ASPM: variants seen among roughly 807,000 people sequenced by gnomAD.
The protein encoded by ASPM is abnormal spindle-like microcephaly-associated protein.
A neutral mutation model predicts 366.4 loss-of-function variants in ASPM; 256 were observed. That is an observed-to-expected ratio of 0.70 (90% CI 0.63 to 0.77). The LOEUF is 0.77. ASPM is among the 30% of genes least tolerant of loss of function. The probability of loss-of-function intolerance (pLI) is 0.00; values close to 1 mark genes in which losing one functional copy is unlikely to be tolerated. For missense variants in ASPM, 4,146 were observed against 4,090.4 expected, an observed-to-expected ratio of 1.01 and a Z score of -0.37; for synonymous variants, 1,414 against 1,342.9, an observed-to-expected ratio of 1.05 and a Z score of -1.16.
intron 18 of ASPM, among the ~76,000 whole-genome samples, chr1:197,098,065 CA>C (rs1420615312): frequency 4.7e-5 from 7 of 149,950 alleles, no homozygotes; most frequent in Non-Finnish European, 8.9e-5. Flanking sequence ...CAGACATTGA[CA>C]AGAGAAGCCA....
In ASPM at chr1:197,104,032, C is replaced by CT. The variant is rs1326328714; in HGVS notation, c.5218dup (p.Arg1740LysfsTer37). The CT allele has an allele frequency of 6.2e-7, 1 of 1,612,784 alleles. No individual in the cohort carries two copies. The highest frequency in any genetic ancestry group is 1.1e-5 in the South Asian group (1 of 91,048). ...CATCTGCTTTCGGACAAGGTATCCTCTAACAAATGCTTGCAGTTTGATACA... is the reference window on the plus strand; with the variant it reads ...CATCTGCTTTCGGACAAGGTATCCTCTTAACAAATGCTTGCAGTTTGATACA... On this transcript the variant is annotated frameshift_variant, in exon 18 of 28. Transcript: ENST00000367409. LOFTEE classifies it high-confidence loss of function.
At chr1:197,129,626 G>A (rs890711611) in intron 8 of ASPM, among the ~76,000 whole-genome samples, 4 of 152,090 alleles carry the variant, frequency 2.6e-5, no homozygotes, top group African/African-American at 7.2e-5. Context: ...ACTACATGCA[G>A]GCACCATCGT....
Position 197,146,370 on chromosome 1 carries a change from C to A in ASPM, c.68G>T (p.Gly23Val), listed in dbSNP as rs773975130. Reference protein sequence around the residue: ...VSPTERRPPAGLRGPAAEEEA... With the variant: ...VSPTERRPPAVLRGPAAEEEA... ...CTCCTCGGCCGCGGGGCCCCGCAGCCCCGCGGGCGGCCTCCGCTCGGTCGG... is the reference window on the plus strand; with the variant it reads ...CTCCTCGGCCGCGGGGCCCCGCAGCACCGCGGGCGGCCTCCGCTCGGTCGG... Residue 23 changes from glycine to valine, a missense_variant, in exon 1 of 28, where the codon GGG becomes GTG. This residue lies in a region of ASPM where 512 missense variants were observed against 471.7 expected (regional missense o/e 1.09). Transcript: ENST00000367409. The A allele has an allele frequency of 2.5e-5, 40 of 1,608,394 alleles. No individual in the cohort carries two copies. Among genetic ancestry groups the A allele is most frequent in the Non-Finnish European group, 3.2e-5 (38 of 1,178,536 alleles).
Position 197,101,570 on chromosome 1 carries a change from G to T in ASPM, c.7681C>A (p.Gln2561Lys). ...TGCCTATACATTCTGTAGGTGCTTT[G>T]TATTACGATAGAAGCTTTGTGTTTT... Reference protein sequence around the residue: ...REKHKASIVIQSTYRMYRQYC... With the variant: ...REKHKASIVIKSTYRMYRQYC... The change falls in exon 18 of 28, where the codon CAA (glutamine) becomes AAA (lysine). Residue 2561 changes from glutamine (Q) to lysine (K), a missense_variant. Physicochemically the swap from Gln to Lys is moderately conservative, Grantham distance 53. Coordinates refer to ENST00000367409, the MANE Select transcript of ASPM (RefSeq NM_018136.5). The T allele has an allele frequency of 1.2e-6, 2 of 1,609,406 alleles. No homozygotes were observed. Among genetic ancestry groups the T allele is most frequent in the Non-Finnish European group, 1.7e-6 (2 of 1,178,874 alleles).
At chr1:197,124,015 A>AAATT in intron 13 of ASPM, 95 bp downstream of exon 13, 1 of 1,089,542 alleles carries the variant, frequency 9.2e-7, no homozygotes. Context: ...ATGAACTAAG[A>AAATT]AATTCAAGAA....
chr1:197,127,714 G>T (rs2125106651), intron 10 of ASPM, among the ~76,000 whole-genome samples: 1 of 152,268 alleles, frequency 6.6e-6, no homozygotes, highest in Middle Eastern at 3.4e-3. Flanking sequence ...TGTGTAATTT[G>T]AAGTCAGATT....
At position 197,122,503 on chromosome 1, in the gene ASPM, T is replaced by C. The variant is rs1657943647; in HGVS notation, c.3483A>G (p.Ile1161Met). ...CCACAGTTTGAGTAGTACGCTGACA[T>C]ATAGCGTCAAATGGCACATAGCAAG... ...YHPCYVPFDA[I>M]CQRTTQTVEC... Residue 1161 changes from isoleucine (I) to methionine (M), a missense_variant, in exon 14 of 28, where the codon ATA becomes ATG. By Grantham distance (10) the Ile-to-Met change is conservative. Coordinates refer to ENST00000367409, the MANE Select transcript of ASPM (RefSeq NM_018136.5). 2.5e-6 allele frequency: 4 copies of C among 1,613,562 alleles called. No individual in the cohort carries two copies. The highest frequency in any genetic ancestry group is 3.4e-6 in the Non-Finnish European group (4 of 1,179,662).
Position 197,101,054 on chromosome 1 carries a change from TTC to T in ASPM, c.8195_8196del (p.Arg2732LysfsTer18), listed in dbSNP as rs1558328295. ...YRLYVRVKTERKNFLAVQKSV... is the reference protein window; with the variant it reads ...YRLYVRVKTEXKNFLAVQKSV... ...GATTTCTGAACTGCTAAAAAGTTTT[TTC>T]TTTCTGTTTTTACTCTAACATACAA... On this transcript the variant is annotated frameshift_variant, in exon 18 of 28. Transcript: ENST00000367409. LOFTEE classifies it high-confidence loss of function. 1 of 1,611,468 alleles carries T rather than the reference TTC, an allele frequency of 6.2e-7. No homozygotes were observed. The highest frequency in any genetic ancestry group is 8.5e-7 in the Non-Finnish European group (1 of 1,178,764).
intron 27 of ASPM, among the ~76,000 whole-genome samples, chr1:197,084,994 C>CT (rs112518516): frequency 7.2e-5 from 11 of 152,294 alleles, no homozygotes; most frequent in African/African-American, 2.6e-4. Context: ...CCACTGAGAT[C>CT]TCCACTTCAT....
intron 12 of ASPM, 120 bp downstream of exon 12, chr1:197,124,750 G>T: frequency 1.3e-6 from 1 of 781,572 alleles, no homozygotes; most frequent in Admixed American, 1.9e-5. Flanking sequence ...CAGTTACTGG[G>T]GCAAAATAAA....
chr1:197,131,429 C>T (rs1019501084), intron 7 of ASPM, among the ~76,000 whole-genome samples: 3 of 152,152 alleles, frequency 2.0e-5, no homozygotes, highest in African/African-American at 7.2e-5. Context: ...TCAGTTTCAA[C>T]ATTCTAGGTA....
At chr1:197,091,763 C>T in intron 22 of ASPM, 144 bp downstream of exon 22, 1 of 829,008 alleles carries the variant, frequency 1.2e-6, no homozygotes, top group East Asian at 2.7e-5. Flanking sequence ...ATTTCTAACC[C>T]TCAAATCATT....
intron 23 of ASPM, 48 bp downstream of exon 23, chr1:197,090,802 G>A: frequency 2.0e-6 from 3 of 1,531,420 alleles, no homozygotes; most frequent in Non-Finnish European, 1.8e-6. Flanking sequence ...TCATGTAGAT[G>A]AATTGCAAAC....
intron 18 of ASPM, among the ~76,000 whole-genome samples, chr1:197,099,936 A>G (rs1657100177): frequency 6.6e-6 from 1 of 151,736 alleles, no homozygotes; most frequent in Admixed American, 6.6e-5. Flanking sequence ...ACATTTGGCA[A>G]ATAGACAAAA....
intron 5 of ASPM, among the ~76,000 whole-genome samples, chr1:197,134,889 G>A (rs1358754008): frequency 6.6e-6 from 1 of 152,108 alleles, no homozygotes. Flanking sequence ...AGAACAAAAA[G>A]TATATTTCAG....
At chr1:197,115,483 A>G (rs544463927) in intron 17 of ASPM, among the ~76,000 whole-genome samples, 4 of 152,316 alleles carry the variant, frequency 2.6e-5, no homozygotes, top group African/African-American at 9.6e-5. Context: ...AAAATGATGA[A>G]TCCTTTCCAG....
chr1:197,128,371 TC>T, intron 10 of ASPM, 118 bp downstream of exon 10: 1 of 1,066,670 alleles, frequency 9.4e-7, no homozygotes. Flanking sequence ...TCAATTTTTT[TC>T]AGTACTAAAT....
rs541993362 is a variant in ASPM, at chr1:197,085,768, CA to C, written c.10331+1034del. 2.6e-5 allele frequency among the ~76,000 whole-genome samples: 4 copies of C among 152,068 alleles called. No individual in the cohort carries two copies. In the South Asian group the frequency reaches 8.3e-4, roughly 32 times the overall value. ...GGGAATAAAGAAAGAGAACTGACAA[CA>C]AAGGGGCATAAGGAAACTTTGTGTT... On this transcript the variant is annotated intron_variant, in intron 27 of 27. Coordinates refer to ENST00000367409, the MANE Select transcript of ASPM (RefSeq NM_018136.5).
In ASPM at chr1:197,124,162, A is replaced by G; in HGVS notation, c.3338T>C (p.Ile1113Thr). 6.2e-7 allele frequency: 1 copy of G among 1,612,750 alleles called. No homozygotes were observed. The highest frequency in any genetic ancestry group is 1.3e-5 in the African/African-American group (1 of 75,010). ...SGSFEQYSENIKLLMDWVNAV... is the reference protein window; with the variant it reads ...SGSFEQYSENTKLLMDWVNAV... ...ATTTACCCAATCCATCAATAACTTT[A>G]TGTTTTCACTATATTGTTCAAAGGA... The change falls in exon 13 of 28, where the codon ATA (isoleucine) becomes ACA (threonine). Residue 1113 changes from isoleucine (I) to threonine (T), a missense_variant. Ile to Thr is a moderately conservative substitution (Grantham distance 89). This residue lies in a region of ASPM where 3,624 missense variants were observed against 3,591.7 expected (regional missense o/e 1.01). Coordinates refer to ENST00000367409, the MANE Select transcript of ASPM (RefSeq NM_018136.5).
Sources: allele counts gnomAD v4.1 joint callset (sites outside exome capture counted in the v4.1 genomes callset), GRCh38; gene constraint gnomAD v4.1.1; regional missense constraint gnomAD v4.1.1; transcripts MANE v1.5; gene names NCBI Gene and HGNC (gene_info 2026-07-23, HGNC 2026-07-21).